TNKS: variants seen among roughly 807,000 people sequenced by gnomAD.
TNKS encodes the protein poly [ADP-ribose] polymerase tankyrase-1.
A neutral mutation model predicts 135.8 loss-of-function variants in TNKS; 72 were observed. That is an observed-to-expected ratio of 0.53 (90% CI 0.44 to 0.64). TNKS has a LOEUF of 0.64. Among genes scored for constraint, TNKS ranks in the 30% least tolerant of loss-of-function variants. The pLI, the probability that TNKS is intolerant of heterozygous loss-of-function variation, is 0.00. For synonymous variants in TNKS, 849 were observed against 649.3 expected, an observed-to-expected ratio of 1.31 and a Z score of -4.68; for missense variants, 1,769 against 1,674.0, an observed-to-expected ratio of 1.06 and a Z score of -0.99.
At chr8:9,620,784 C>G (rs1799838129) in intron 3 of TNKS, among the ~76,000 whole-genome samples, 1 of 152,216 alleles carries the variant, frequency 6.6e-6, no homozygotes, top group Non-Finnish European at 1.5e-5. Flanking sequence ...GGCTTCTTGT[C>G]CCTGGTGCCA....
chr8:9,579,734 G>A (rs1329931197), intron 1 of TNKS, among the ~76,000 whole-genome samples: 1 of 152,162 alleles, frequency 6.6e-6, no homozygotes, highest in Non-Finnish European at 1.5e-5. Context: ...CTCACACAGT[G>A]CTGTGAGGGT....
At chr8:9,677,013 A>G (rs1422593227) in intron 3 of TNKS, among the ~76,000 whole-genome samples, 2 of 152,174 alleles carry the variant, frequency 1.3e-5, no homozygotes, top group South Asian at 2.1e-4. Flanking sequence ...ATTCTCAGCT[A>G]AGATGAAAGA....
chr8:9,746,777 A>G (rs116541727), intron 17 of TNKS, among the ~76,000 whole-genome samples: 43 of 151,670 alleles, frequency 2.8e-4, no homozygotes, highest in African/African-American at 9.2e-4. Flanking sequence ...CTGTGCTCCA[A>G]CCTTTTCTGA....
At chr8:9,635,546 C>A (rs967170795) in intron 3 of TNKS, among the ~76,000 whole-genome samples, 1 of 152,202 alleles carries the variant, frequency 6.6e-6, no homozygotes, top group Non-Finnish European at 1.5e-5. Flanking sequence ...ATATGATTCT[C>A]AGCATGATTG....
chr8:9,704,578 A>G (rs957755179), intron 5 of TNKS, 85 bp from the exon 6 acceptor site: 24 of 1,124,508 alleles, frequency 2.1e-5, no homozygotes, highest in Non-Finnish European at 2.8e-5. Flanking sequence ...GTCAACTTTC[A>G]TTGTGTTTAA....
chr8:9,602,768 A>C (rs1358281575), intron 2 of TNKS, among the ~76,000 whole-genome samples: 2 of 152,210 alleles, frequency 1.3e-5, no homozygotes, highest in Non-Finnish European at 2.9e-5. Flanking sequence ...CAACTTAATA[A>C]TGTTTCATTT....
At chr8:9,617,181 T>C (rs938542984) in intron 3 of TNKS, among the ~76,000 whole-genome samples, 1 of 152,246 alleles carries the variant, frequency 6.6e-6, no homozygotes, top group African/African-American at 2.4e-5. Context: ...TCCTAATTTG[T>C]AATGAATTTC....
At chr8:9,696,029 G>T (rs926703729) in intron 5 of TNKS, among the ~76,000 whole-genome samples, 1 of 152,162 alleles carries the variant, frequency 6.6e-6, no homozygotes, top group South Asian at 2.1e-4. Context: ...TATAGCATAT[G>T]ACTATATGTC....
chr8:9,602,575 G>C (rs897227177), intron 2 of TNKS, among the ~76,000 whole-genome samples: 31 of 152,156 alleles, frequency 2.0e-4, no homozygotes, highest in African/African-American at 6.8e-4. Flanking sequence ...GGAGTCTCCA[G>C]AGCACCTGGT....
chr8:9,583,230 A>C (rs922055776), intron 2 of TNKS, among the ~76,000 whole-genome samples: 3 of 151,604 alleles, frequency 2.0e-5, no homozygotes, highest in African/African-American at 7.3e-5. Context: ...CATAGATGCT[A>C]TTTACCATCA....
chr8:9,753,050 C>G (rs1489315171), intron 20 of TNKS, among the ~76,000 whole-genome samples: 1 of 151,842 alleles, frequency 6.6e-6, no homozygotes, highest in Non-Finnish European at 1.5e-5. Flanking sequence ...AAACCCACAA[C>G]ACATTTCTAT....
At chr8:9,607,119 A>G (rs1050169634) in intron 2 of TNKS, among the ~76,000 whole-genome samples, 7 of 152,318 alleles carry the variant, frequency 4.6e-5, no homozygotes, top group African/African-American at 1.7e-4. Context: ...TGTATTAGAT[A>G]TTAAAAAAAG....
chr8:9,693,384 A>G (rs1392874016), intron 5 of TNKS, among the ~76,000 whole-genome samples: 1 of 152,232 alleles, frequency 6.6e-6, no homozygotes, highest in East Asian at 1.9e-4. Flanking sequence ...GTTCATATAC[A>G]TGGAAAAATA....
chr8:9,728,930 G>T (rs1369121778), intron 13 of TNKS, among the ~76,000 whole-genome samples: 1 of 152,060 alleles, frequency 6.6e-6, no homozygotes, highest in Non-Finnish European at 1.5e-5. Context: ...TAGTCTATTT[G>T]TGCTGCTATA....
Position 9,643,279 on chromosome 8 carries a change from G to A in TNKS, c.994+27602G>A, listed in dbSNP as rs1800788010. 1.4e-5 allele frequency among the ~76,000 whole-genome samples: 2 copies of A among 145,704 alleles called. 1 individual carries two copies. The highest frequency in any genetic ancestry group is 4.4e-4 in the South Asian group (2 of 4,564). Reference sequence around the variant, plus strand: ...AAAGAAAAGAAGTTTATTTTTTTCAGTTCTAGAAGCTGAGAAGTCCAAGGT... The same window carrying A: ...AAAGAAAAGAAGTTTATTTTTTTCAATTCTAGAAGCTGAGAAGTCCAAGGT... On this transcript the variant is annotated intron_variant, in intron 3 of 26. Transcript: ENST00000310430.
intron 3 of TNKS, among the ~76,000 whole-genome samples, chr8:9,641,308 C>G (rs1225453055): frequency 7.1e-6 from 1 of 140,924 alleles, no homozygotes; most frequent in Non-Finnish European, 1.5e-5. Flanking sequence ...TACCACTTGA[C>G]TATCAGGCAC....
chr8:9,727,300 AT>A (rs1029156728), intron 13 of TNKS, among the ~76,000 whole-genome samples: 1 of 151,862 alleles, frequency 6.6e-6, no homozygotes, highest in Non-Finnish European at 1.5e-5. Context: ...TTGTAGTTTT[AT>A]TTTTTTTCAA....
chr8:9,653,843 T>C (rs1265456542), intron 3 of TNKS, among the ~76,000 whole-genome samples: 1 of 152,182 alleles, frequency 6.6e-6, no homozygotes, highest in Non-Finnish European at 1.5e-5. Context: ...TTTCCCTTTC[T>C]GATCTTTCTC....
chr8:9,681,363 C>G (rs1301639578), intron 5 of TNKS, among the ~76,000 whole-genome samples: 1 of 152,028 alleles, frequency 6.6e-6, no homozygotes, highest in Non-Finnish European at 1.5e-5. Context: ...TATTAATATG[C>G]AGTTGCCATA....
Sources: gnomAD v4.1 joint callset for allele counts (sites outside exome capture counted in the v4.1 genomes callset) on GRCh38, gnomAD v4.1.1 for gene constraint, MANE v1.5 for transcripts, NCBI Gene and HGNC (gene_info 2026-07-23, HGNC 2026-07-21) for gene names.